Variants in ACVR1 observed in about 807,000 individuals in gnomAD.
ACVR1 encodes the protein activin A receptor type 1, also known as activin receptor type-1.
In ACVR1, 38 loss-of-function variants were observed where a neutral mutation model predicts 57.1. That is an observed-to-expected ratio of 0.67 (90% CI 0.51 to 0.87). The LOEUF (loss-of-function observed/expected upper bound fraction) is 0.87, where lower values mean the gene tolerates loss of function less well. Ranked by LOEUF, ACVR1 falls within the 40% of genes least tolerant of loss-of-function variation. The pLI, the probability that ACVR1 is intolerant of heterozygous loss-of-function variation, is 0.00. For synonymous variants in ACVR1, 212 were observed against 228.1 expected (o/e 0.93, Z 0.63); for missense variants, 463 against 638.2 (o/e 0.73, Z 2.96).
intron 9 of ACVR1, among the ~76,000 whole-genome samples, chr2:157,751,753 C>A (rs1685200848): frequency 2.0e-5 from 3 of 152,204 alleles, no homozygotes; most frequent in Admixed American, 1.3e-4. Flanking sequence ...CATAACTCCA[C>A]TGACATGGAA....
intron 1 of ACVR1, among the ~76,000 whole-genome samples, chr2:157,849,536 T>C (rs1299217357): frequency 6.6e-6 from 1 of 152,232 alleles, no homozygotes; most frequent in Non-Finnish European, 1.5e-5. Flanking sequence ...TGTATAGTAT[T>C]TGAATAAGCT....
intron 9 of ACVR1, 22 bp from the exon 10 acceptor site, chr2:157,738,592 G>A (rs763076822): frequency 6.2e-7 from 1 of 1,613,944 alleles, no homozygotes; most frequent in Admixed American, 1.7e-5. Context: ...GACAAGAATT[G>A]TGTTCGGTTA....
intron 3 of ACVR1, among the ~76,000 whole-genome samples, chr2:157,782,999 T>C (rs534683419): frequency 1.3e-5 from 2 of 152,160 alleles, no homozygotes; most frequent in South Asian, 2.1e-4. Context: ...TGACAATGAA[T>C]TGACGAGTAT....
At chr2:157,798,961 A>C (rs1687222580) in intron 3 of ACVR1, among the ~76,000 whole-genome samples, 1 of 151,636 alleles carries the variant, frequency 6.6e-6, no homozygotes, top group Admixed American at 6.6e-5. Context: ...CAATGTCGTG[A>C]TCTTGGCTCA....
chr2:157,775,190 T>G (rs928559218), intron 5 of ACVR1, among the ~76,000 whole-genome samples: 1 of 152,252 alleles, frequency 6.6e-6, no homozygotes, highest in East Asian at 1.9e-4. Flanking sequence ...CATTTCTTAA[T>G]GTGAATCACT....
intron 2 of ACVR1, among the ~76,000 whole-genome samples, chr2:157,801,792 T>C (rs1473694254): frequency 6.6e-6 from 1 of 152,230 alleles, no homozygotes; most frequent in African/African-American, 2.4e-5. Context: ...CAGAAAACTT[T>C]TTATGGGATA....
intron 8 of ACVR1, among the ~76,000 whole-genome samples, chr2:157,763,057 T>C (rs542734467): frequency 5.9e-4 from 90 of 152,348 alleles, no homozygotes; most frequent in African/African-American, 2.0e-3. Context: ...TAGTAATAAG[T>C]AATTTTTACA....
intron 1 of ACVR1, among the ~76,000 whole-genome samples, chr2:157,854,757 C>T (rs1345274075): frequency 1.3e-5 from 2 of 150,242 alleles, no homozygotes; most frequent in East Asian, 2.0e-4. Context: ...TTTTTCAGGC[C>T]GGGTGCGACC....
At chr2:157,752,655 A>C (rs1008097817) in intron 9 of ACVR1, among the ~76,000 whole-genome samples, 1 of 152,224 alleles carries the variant, frequency 6.6e-6, no homozygotes, top group Admixed American at 6.5e-5. Flanking sequence ...CTCCTTAAAC[A>C]AAACAATTAT....
intron 1 of ACVR1, among the ~76,000 whole-genome samples, chr2:157,856,332 T>C (rs1689533181): frequency 6.6e-6 from 1 of 152,220 alleles, no homozygotes; most frequent in Non-Finnish European, 1.5e-5. Flanking sequence ...CTTTCAACTA[T>C]TCACTCACTC....
intron 1 of ACVR1, chr2:157,838,248 C>T (rs560193126): frequency 6.6e-6 from 1 of 152,252 alleles, no homozygotes; most frequent in Admixed American, 6.5e-5. Flanking sequence ...AACCTTGAGC[C>T]GCCCAATATC....
chr2:157,839,505 T>A (rs1205847884), intron 1 of ACVR1, among the ~76,000 whole-genome samples: 2 of 152,122 alleles, frequency 1.3e-5, no homozygotes, highest in Non-Finnish European at 2.9e-5. Context: ...CCAAAATGAA[T>A]CTGAATGGCC....
At chr2:157,828,701 C>T (rs1384418866) in intron 1 of ACVR1, among the ~76,000 whole-genome samples, 1 of 152,140 alleles carries the variant, frequency 6.6e-6, no homozygotes, top group Non-Finnish European at 1.5e-5. Flanking sequence ...GTAAAAATAA[C>T]ATAATACTTT....
rs971480716 is a variant in ACVR1 at position 157,875,938 on chromosome 2, CG to C, written c.-326del. Reference sequence around the variant, plus strand: ...GAGGGAGCCCGGAACTCTGCGGGGCCGGGAGCCGGGGGCCGAGGGCCGGCCC... The same window carrying C: ...GAGGGAGCCCGGAACTCTGCGGGGCCGGAGCCGGGGGCCGAGGGCCGGCCC... On this transcript the variant is annotated 5_prime_UTR_variant, in exon 1 of 11. Coordinates refer to ENST00000434821, the MANE Select transcript of ACVR1 (RefSeq NM_001111067.4). 1 of 148,280 alleles carries C rather than the reference CG, an allele frequency of 6.7e-6. No homozygotes were observed. Among genetic ancestry groups the C allele is most frequent in the Non-Finnish European group, 1.5e-5 (1 of 66,530 alleles). 9.2% of individuals were successfully genotyped at this position (148,280 alleles called of 1,614,324 possible).
chr2:157,875,881 G>C lies in ACVR1; in HGVS notation c.-268C>G, dbSNP rs1690274268. On this transcript the variant is annotated 5_prime_UTR_variant, in exon 1 of 11. Transcript: ENST00000434821. ...GCTGCAGGTCGGCGCGGCGCGGGGC[G>C]GCGCGGGGCGGGGCGGGGCGGTGCA... The C allele has an allele frequency of 1.3e-5, 2 of 148,200 alleles. No homozygotes were observed. Among genetic ancestry groups the C allele is most frequent in the South Asian group, 3.5e-4 (2 of 5,668 alleles). The allele number at this position is 148,200 out of a possible 1,614,324, so 9.2% of individuals were successfully genotyped here. A position where few individuals can be genotyped will look rare whatever the true frequency, so the allele number is the denominator to read the frequency against.
intron 9 of ACVR1, among the ~76,000 whole-genome samples, chr2:157,752,526 G>A (rs1375100571): frequency 2.0e-5 from 3 of 152,184 alleles, no homozygotes; most frequent in Non-Finnish European, 4.4e-5. Flanking sequence ...GGAGGCACCA[G>A]AGAAAGGTGA....
chr2:157,796,071 A>G (rs939448805), intron 3 of ACVR1, among the ~76,000 whole-genome samples: 2 of 151,732 alleles, frequency 1.3e-5, no homozygotes, highest in African/African-American at 4.8e-5. Flanking sequence ...AAAAAATACA[A>G]AAGTTAGCCA....
chr2:157,749,525 T>C (rs1456030352), intron 9 of ACVR1, among the ~76,000 whole-genome samples: 1 of 152,046 alleles, frequency 6.6e-6, no homozygotes, highest in Non-Finnish European at 1.5e-5. Context: ...TCAAAATACC[T>C]AGAAAATAGC....
chr2:157,780,682 A>T (rs916608008), intron 3 of ACVR1, 82 bp from the exon 4 acceptor site: 1 of 1,511,072 alleles, frequency 6.6e-7, no homozygotes, highest in Non-Finnish European at 9.0e-7. Context: ...GGGAATGACC[A>T]TTCCAAACAC....
Sources: gnomAD v4.1 joint callset for allele counts (sites outside exome capture counted in the v4.1 genomes callset) on GRCh38, gnomAD v4.1.1 for gene constraint, MANE v1.5 for transcripts, NCBI Gene and HGNC (gene_info 2026-07-23, HGNC 2026-07-21) for gene names.